Variants in COL28A1 observed in about 807,000 individuals in gnomAD.
COL28A1 encodes the protein collagen type XXVIII alpha 1 chain, also known as collagen alpha-1(XXVIII) chain.
Under a neutral mutation model 150.2 loss-of-function variants are expected in COL28A1, and 161 were observed. The observed-to-expected ratio is 1.07, with a 90% confidence interval of 0.94 to 1.22. The LOEUF (loss-of-function observed/expected upper bound fraction) is 1.22. COL28A1 is among the 50% of genes most tolerant of loss of function. The probability of loss-of-function intolerance (pLI) is 0.00; values close to 1 mark genes in which losing one functional copy is unlikely to be tolerated. For synonymous variants in COL28A1, 552 were observed against 469.7 expected, an observed-to-expected ratio of 1.18 and a Z score of -2.26; for missense variants, 1,617 against 1,388.3, an observed-to-expected ratio of 1.16 and a Z score of -2.62.
intron 11 of COL28A1, among the ~76,000 whole-genome samples, chr7:7,502,224 G>T (rs1780572926): frequency 1.3e-5 from 2 of 152,178 alleles, no homozygotes; most frequent in African/African-American, 4.8e-5. Flanking sequence ...AATGCCACAA[G>T]ATGACCTTCC....
intron 30 of COL28A1, among the ~76,000 whole-genome samples, chr7:7,380,424 G>A (rs1437587534): frequency 7.2e-5 from 11 of 152,008 alleles, no homozygotes; most frequent in Admixed American, 2.0e-4. Flanking sequence ...CCAAGCATCC[G>A]AGTGGAGTAG....
intron 23 of COL28A1, 119 bp downstream of exon 23, chr7:7,436,276 T>G (rs990053033): frequency 2.8e-6 from 2 of 718,864 alleles, no homozygotes; most frequent in Non-Finnish European, 5.0e-6. Flanking sequence ...ATAGCTATAT[T>G]CTTACATTTT....
At chr7:7,479,354 G>A (rs1208308087) in intron 13 of COL28A1, among the ~76,000 whole-genome samples, 1 of 152,144 alleles carries the variant, frequency 6.6e-6, no homozygotes, top group Non-Finnish European at 1.5e-5. Context: ...TCTCAAAGTA[G>A]AAGAAAATGG....
intron 21 of COL28A1, among the ~76,000 whole-genome samples, chr7:7,438,915 C>CT (rs1785546018): frequency 6.6e-6 from 1 of 152,170 alleles, no homozygotes; most frequent in African/African-American, 2.4e-5. Context: ...TCCATTTTGC[C>CT]TCTTGGGCCA....
rs367999600 is a variant in COL28A1, at chr7:7,380,811, T to C, written c.2257A>G (p.Ile753Val). Residue 753 changes from isoleucine (I) to valine (V), a missense_variant, in exon 29 of 35, where the codon ATT becomes GTT. Coordinates refer to ENST00000399429, the MANE Select transcript of COL28A1 (RefSeq NM_001037763.3). ...TTTCCTGGAGATCCAGGCTCTCCAATTTCTCCTTTATCACCTTTCTTTCCC... is the reference window on the plus strand; with the variant it reads ...TTTCCTGGAGATCCAGGCTCTCCAACTTCTCCTTTATCACCTTTCTTTCCC... Reference protein sequence around the residue: ...DVGKKGDKGEIGEPGSPGKQG... With the variant: ...DVGKKGDKGEVGEPGSPGKQG... 9.3e-6 allele frequency: 15 copies of C among 1,614,040 alleles called. No homozygotes were observed. The African/African-American group carries it at 1.7e-4, about 19-fold the overall frequency.
At chr7:7,445,337 G>A (rs1027761181) in intron 18 of COL28A1, among the ~76,000 whole-genome samples, 3 of 152,168 alleles carry the variant, frequency 2.0e-5, no homozygotes, top group African/African-American at 4.8e-5. Flanking sequence ...GGCAAGGCAT[G>A]CCAAGGATTG....
chr7:7,434,546 C>T (rs1180622920), intron 23 of COL28A1, among the ~76,000 whole-genome samples: 2 of 152,218 alleles, frequency 1.3e-5, no homozygotes, highest in Non-Finnish European at 2.9e-5. Flanking sequence ...TTTATTTCTA[C>T]AGTCCAAACT....
At position 7,387,359 on chromosome 7, in the gene COL28A1, G is replaced by A. The variant is rs577380124; in HGVS notation, c.2137-5747C>T. Among the ~76,000 whole-genome samples, 4 of 151,992 alleles carry A rather than the reference G, an allele frequency of 2.6e-5. No individual in the cohort carries two copies. The South Asian group carries it at 8.3e-4, about 32-fold the overall frequency. ...TGCATATAAATAATCCTTTACTAAA[G>A]AATAAAACAATACTTTAAAAAGTTA... On this transcript the variant is annotated intron_variant, in intron 27 of 34. Coordinates refer to ENST00000399429, the MANE Select transcript of COL28A1 (RefSeq NM_001037763.3).
chr7:7,455,289 G>A (rs540759378), intron 16 of COL28A1, among the ~76,000 whole-genome samples: 79 of 152,300 alleles, frequency 5.2e-4, no homozygotes, highest in African/African-American at 1.7e-3. Context: ...ATAAGGCTGC[G>A]TAAGTATATG....
At chr7:7,464,291 C>T (rs1474960330) in intron 15 of COL28A1, among the ~76,000 whole-genome samples, 2 of 152,148 alleles carry the variant, frequency 1.3e-5, no homozygotes, top group East Asian at 1.9e-4. Flanking sequence ...TGGATTTAAA[C>T]TATACCCTGG....
Position 7,380,872 on chromosome 7 carries a change from A to G in COL28A1, c.2206-10T>C, listed in dbSNP as rs369054634. On this transcript the variant is annotated splice_polypyrimidine_tract_variant and intron_variant, in intron 28 of 34. Transcript: ENST00000399429. ...GTTCTCCGTGCTCTCCCTTTACACAATAGGGTAAAATGATAGGTTCAGAAT... is the reference window on the plus strand; with the variant it reads ...GTTCTCCGTGCTCTCCCTTTACACAGTAGGGTAAAATGATAGGTTCAGAAT... 87 of 1,606,340 alleles carry G rather than the reference A, an allele frequency of 5.4e-5. No homozygotes were observed. The highest frequency in any genetic ancestry group is 7.2e-5 in the Non-Finnish European group (85 of 1,173,342).
intron 27 of COL28A1, among the ~76,000 whole-genome samples, chr7:7,394,305 AG>A (rs1256660073): frequency 6.6e-6 from 1 of 152,106 alleles, no homozygotes; most frequent in African/African-American, 2.4e-5. Context: ...CAGGTACCTC[AG>A]TTGGAAATGC....
At chr7:7,511,899 T>C in intron 8 of COL28A1, 1 of 425,896 alleles carries the variant, frequency 2.3e-6, no homozygotes. Flanking sequence ...TAGTTTATCA[T>C]AAATATTTTA....
chr7:7,392,621 T>C (rs927871160), intron 27 of COL28A1, among the ~76,000 whole-genome samples: 7 of 152,318 alleles, frequency 4.6e-5, no homozygotes, highest in Middle Eastern at 3.4e-3. Context: ...CAATCAAACG[T>C]AGGTTTGGTC....
intron 30 of COL28A1, among the ~76,000 whole-genome samples, chr7:7,375,884 T>C (rs1008567821): frequency 6.6e-6 from 1 of 152,160 alleles, no homozygotes; most frequent in Non-Finnish European, 1.5e-5. Flanking sequence ...ATATATACAT[T>C]CAGTTATACA....
At chr7:7,469,632 A>G (rs1202688905) in intron 15 of COL28A1, among the ~76,000 whole-genome samples, 1 of 102,020 alleles carries the variant, frequency 9.8e-6, no homozygotes, top group Non-Finnish European at 1.9e-5. Context: ...ATGGAACCAA[A>G]AAAGAGCCCG....
intron 4 of COL28A1, 56 bp from the exon 5 acceptor site, chr7:7,522,017 G>T (rs1277360557): frequency 4.0e-5 from 33 of 835,336 alleles, no homozygotes; most frequent in Admixed American, 6.8e-5. Context: ...ATTGTATGCA[G>T]CATTTCAAAT....
At chr7:7,440,592 A>G (rs1041444704) in intron 21 of COL28A1, among the ~76,000 whole-genome samples, 198 bp downstream of exon 21, 2 of 152,240 alleles carry the variant, frequency 1.3e-5, no homozygotes, top group African/African-American at 2.4e-5. Flanking sequence ...TGAGTATTAC[A>G]TATTTTATGC....
intron 27 of COL28A1, among the ~76,000 whole-genome samples, chr7:7,410,932 T>C (rs1444010970): frequency 6.6e-6 from 1 of 152,184 alleles, no homozygotes; most frequent in Non-Finnish European, 1.5e-5. Context: ...TTTCAACGAA[T>C]AAATCGTTTC....
Sources: allele counts gnomAD v4.1 joint callset (sites outside exome capture counted in the v4.1 genomes callset), GRCh38; gene constraint gnomAD v4.1.1; transcripts MANE v1.5; gene names NCBI Gene and HGNC (gene_info 2026-07-23, HGNC 2026-07-21).